The following OTOGL variants were observed in gnomAD, a reference collection of about 807,000 sequenced individuals.
OTOGL encodes the protein otogelin-like protein.
In OTOGL, 285 loss-of-function variants were observed where a neutral mutation model predicts 318.5. The ratio of observed to expected loss-of-function variants is 0.89; its 90% CI spans 0.81 to 0.99. The LOEUF is 0.99. Among genes scored for constraint, OTOGL ranks in the 50% least tolerant of loss-of-function variants. OTOGL has a pLI of 0.00. For synonymous variants in OTOGL, 987 were observed against 936.5 expected (o/e 1.05, Z -0.99); for missense variants, 2,899 against 2,845.6 (o/e 1.02, Z -0.43).
chr12:80,143,238 A>G (rs1191573828), intron 1 of OTOGL, among the ~76,000 whole-genome samples: 10 of 152,350 alleles, frequency 6.6e-5, no homozygotes, highest in Admixed American at 3.9e-4. Flanking sequence ...GTGTTACATA[A>G]TAACATAAAG....
At chr12:80,289,478 T>C (rs1471413745) in intron 26 of OTOGL, among the ~76,000 whole-genome samples, 2 of 152,240 alleles carry the variant, frequency 1.3e-5, no homozygotes, top group African/African-American at 2.4e-5. Flanking sequence ...CATTGAAGTC[T>C]GCTGAAGCTG....
At chr12:80,347,149 T>C (rs1180835018) in intron 44 of OTOGL, among the ~76,000 whole-genome samples, 1 of 152,174 alleles carries the variant, frequency 6.6e-6, no homozygotes, top group Non-Finnish European at 1.5e-5. Flanking sequence ...TCTTTTTTTT[T>C]TAAATTATAA....
At chr12:80,149,373 G>A (rs1309446753) in intron 1 of OTOGL, among the ~76,000 whole-genome samples, 3 of 152,042 alleles carry the variant, frequency 2.0e-5, no homozygotes, top group East Asian at 1.9e-4. Flanking sequence ...CTCGGGGGTC[G>A]GGGGCCAGGG....
chr12:80,147,285 T>C (rs1439730145), intron 1 of OTOGL, among the ~76,000 whole-genome samples: 1 of 146,810 alleles, frequency 6.8e-6, no homozygotes, highest in Non-Finnish European at 1.5e-5. Flanking sequence ...AAAGAACATC[T>C]TTATTTCTGC....
intron 11 of OTOGL, among the ~76,000 whole-genome samples, chr12:80,249,423 C>G (rs180762219): frequency 5.3e-5 from 8 of 151,206 alleles, no homozygotes; most frequent in East Asian, 1.9e-4. Flanking sequence ...AATACCCTGC[C>G]GTGTGAGGTG....
In OTOGL at chr12:80,376,881, C is replaced by A. The variant is rs548334864; in HGVS notation, c.6782-242C>A. 1.3e-4 allele frequency among the ~76,000 whole-genome samples: 19 copies of A among 151,450 alleles called. No homozygotes were observed. In the East Asian group the frequency reaches 3.7e-3, roughly 29 times the overall value. On this transcript the variant is annotated intron_variant, in intron 57 of 58. Coordinates refer to ENST00000547103, the MANE Select transcript of OTOGL (RefSeq NM_001378609.3). ...TCTGATTGTGATAATTATTCTAAGA[C>A]AATAAGATATAAAGTGGAAATCAAT... is the stretch of plus-strand genomic sequence containing the variant.
At chr12:80,126,345 C>A (rs896492992) in intron 1 of OTOGL, among the ~76,000 whole-genome samples, 1 of 151,976 alleles carries the variant, frequency 6.6e-6, no homozygotes, top group African/African-American at 2.4e-5. Flanking sequence ...TGTAGTTGAG[C>A]GGTTTTGAGT....
chr12:80,244,401 A>G (rs1188835947), intron 11 of OTOGL, among the ~76,000 whole-genome samples: 1 of 142,368 alleles, frequency 7.0e-6, no homozygotes, highest in African/African-American at 2.6e-5. Flanking sequence ...ATTCCCACCT[A>G]TGAGTGAGAA....
chr12:80,131,593 A>G (rs1165832709), intron 1 of OTOGL, among the ~76,000 whole-genome samples: 1 of 152,194 alleles, frequency 6.6e-6, no homozygotes, highest in East Asian at 1.9e-4. Context: ...AAGGAGGGTG[A>G]CTGACATTTA....
intron 1 of OTOGL, among the ~76,000 whole-genome samples, chr12:80,128,808 C>T (rs1384155938): frequency 2.0e-5 from 3 of 152,176 alleles, no homozygotes; most frequent in South Asian, 2.1e-4. Flanking sequence ...TAGCAATGAG[C>T]GAGGCTTCGT....
intron 46 of OTOGL, among the ~76,000 whole-genome samples, chr12:80,354,601 T>C (rs1046141250): frequency 2.0e-5 from 3 of 151,952 alleles, no homozygotes; most frequent in Non-Finnish European, 4.4e-5. Context: ...CAAAAGAAAA[T>C]GAATTGACTA....
intron 1 of OTOGL, among the ~76,000 whole-genome samples, chr12:80,163,196 C>T (rs1361894416): frequency 6.6e-6 from 1 of 151,476 alleles, no homozygotes; most frequent in East Asian, 1.9e-4. Context: ...TGTCTTATGC[C>T]CAACATACAG....
intron 1 of OTOGL, among the ~76,000 whole-genome samples, chr12:80,112,477 C>T (rs1367803261): frequency 2.0e-5 from 3 of 152,062 alleles, no homozygotes; most frequent in Non-Finnish European, 2.9e-5. Flanking sequence ...TTATTGAAGG[C>T]CTTTTCTGCA....
chr12:80,237,502 GA>G (rs1879972966), intron 9 of OTOGL, among the ~76,000 whole-genome samples: 1 of 152,288 alleles, frequency 6.6e-6, no homozygotes, highest in African/African-American at 2.4e-5. Context: ...TTTTAGGAAA[GA>G]GTGGTTTTGA....
chr12:80,333,341 AT>A (rs1888198791), intron 38 of OTOGL, among the ~76,000 whole-genome samples: 1 of 151,128 alleles, frequency 6.6e-6, no homozygotes, highest in Non-Finnish European at 1.5e-5. Flanking sequence ...TCTAGTATGG[AT>A]TTATCTGTGA....
At chr12:80,368,801 C>A in intron 55 of OTOGL, among the ~76,000 whole-genome samples, 1 of 135,694 alleles carries the variant, frequency 7.4e-6, no homozygotes, top group African/African-American at 2.8e-5. Flanking sequence ...ATCTTCAAGC[C>A]AAAGTTTGAC....
intron 55 of OTOGL, among the ~76,000 whole-genome samples, chr12:80,369,624 G>T (rs911545363): frequency 6.6e-6 from 1 of 152,060 alleles, no homozygotes; most frequent in Admixed American, 6.6e-5. Flanking sequence ...AATTTGTCCA[G>T]CAGCACGAAA....
intron 11 of OTOGL, among the ~76,000 whole-genome samples, chr12:80,241,072 C>T (rs1271027830): frequency 6.6e-6 from 1 of 151,918 alleles, no homozygotes; most frequent in Non-Finnish European, 1.5e-5. Context: ...AGTAAAACCA[C>T]TTAAATGACG....
chr12:80,186,635 C>T (rs745695590), intron 1 of OTOGL, among the ~76,000 whole-genome samples: 4 of 152,066 alleles, frequency 2.6e-5, no homozygotes, highest in African/African-American at 7.2e-5. Context: ...TCAGACGTAT[C>T]GCTCACCACT....
Sources: gnomAD v4.1 joint callset for allele counts (sites outside exome capture counted in the v4.1 genomes callset) on GRCh38, gnomAD v4.1.1 for gene constraint, MANE v1.5 for transcripts, NCBI Gene and HGNC (gene_info 2026-07-23, HGNC 2026-07-21) for gene names.